CDH13: variants seen among roughly 807,000 people sequenced by gnomAD.
CDH13 encodes cadherin 13.
CDH13 carries 24 observed loss-of-function variants against 63.8 expected under a neutral mutation model. That is an observed-to-expected ratio of 0.38 (90% CI 0.27 to 0.53). CDH13 has a LOEUF of 0.53. Ranked by LOEUF, CDH13 falls within the 20% of genes least tolerant of loss-of-function variation. The probability of loss-of-function intolerance (pLI) is 0.85; values close to 1 mark genes in which losing one functional copy is unlikely to be tolerated. For missense variants in CDH13, 1,049 were observed against 903.1 expected (o/e 1.16, Z -2.07); for synonymous variants, 503 against 355.3 (o/e 1.42, Z -4.67).
chr16:83,515,769 C>T (rs1268172643), intron 7 of CDH13, among the ~76,000 whole-genome samples: 1 of 152,124 alleles, frequency 6.6e-6, no homozygotes, highest in Non-Finnish European at 1.5e-5. Flanking sequence ...ATTTTTAAAA[C>T]ACACCAAGCA....
chr16:83,056,921 G>A (rs779687312), intron 3 of CDH13, among the ~76,000 whole-genome samples: 65 of 152,114 alleles, frequency 4.3e-4, no homozygotes, highest in South Asian at 2.1e-4. Flanking sequence ...AGTCCTCCCC[G>A]GCTATGTGGA....
chr16:83,102,948 C>CTTTTTTTTTTTT (rs71148813), intron 3 of CDH13, among the ~76,000 whole-genome samples: 4 of 69,026 alleles, frequency 5.8e-5, no homozygotes, highest in African/African-American at 2.1e-4. Context: ...TTTTCTTTTT[C>CTTTTTTTTTTTT]TTTTTTTTTT....
At chr16:83,222,741 G>C (rs1475370607) in intron 5 of CDH13, among the ~76,000 whole-genome samples, 1 of 152,054 alleles carries the variant, frequency 6.6e-6, no homozygotes, top group African/African-American at 2.4e-5. Context: ...GTTTACAAAG[G>C]AAGAGATTTA....
chr16:83,481,778 C>T lies in CDH13; in HGVS notation c.782-4699C>T, dbSNP rs114202783. 2.9e-3 allele frequency among the ~76,000 whole-genome samples: 448 copies of T among 152,112 alleles called. 2 individuals are homozygous for T. The highest frequency in any genetic ancestry group is 9.9e-3 in the African/African-American group (409 of 41,482). On this transcript the variant is annotated intron_variant, in intron 6 of 13. Coordinates refer to ENST00000567109, the MANE Select transcript of CDH13 (RefSeq NM_001257.5). ...TTTGTCACTCAGGAGAGTATTGTGA[C>T]GGGGGAAAAGACAGAAATGTACTGT...
intron 1 of CDH13, among the ~76,000 whole-genome samples, chr16:82,664,543 A>C (rs1375140471): frequency 6.6e-6 from 1 of 152,208 alleles, no homozygotes; most frequent in African/African-American, 2.4e-5. Flanking sequence ...CCTTTGAAGC[A>C]TGACTTTCTG....
chr16:82,716,899 G>A (rs1321299708), intron 1 of CDH13, among the ~76,000 whole-genome samples: 1 of 151,840 alleles, frequency 6.6e-6, no homozygotes, highest in Non-Finnish European at 1.5e-5. Context: ...TGCACCTCTA[G>A]GGCTCATTCC....
chr16:82,740,605 C>G (rs1325738722), intron 1 of CDH13, among the ~76,000 whole-genome samples: 1 of 152,204 alleles, frequency 6.6e-6, no homozygotes, highest in African/African-American at 2.4e-5. Context: ...TGACTCCAGA[C>G]TGTGGGTTTC....
At chr16:83,565,383 C>CTTTTTTTTTTT (rs369127310) in intron 7 of CDH13, among the ~76,000 whole-genome samples, 7 of 130,606 alleles carry the variant, frequency 5.4e-5, no homozygotes, top group Middle Eastern at 4.2e-3. Flanking sequence ...TTCCACTGTT[C>CTTTTTTTTTTT]TTTTTTTTTT....
At chr16:83,533,548 G>A (rs567014863) in intron 7 of CDH13, among the ~76,000 whole-genome samples, 1 of 152,174 alleles carries the variant, frequency 6.6e-6, no homozygotes, top group East Asian at 1.9e-4. Flanking sequence ...ACAAGGAGGT[G>A]GTGGAATGGC....
chr16:83,532,948 G>A (rs2075112331), intron 7 of CDH13, among the ~76,000 whole-genome samples: 1 of 152,226 alleles, frequency 6.6e-6, no homozygotes, highest in South Asian at 2.1e-4. Flanking sequence ...CAGTCCTTCA[G>A]CCACCAGCTG....
intron 10 of CDH13, among the ~76,000 whole-genome samples, chr16:83,713,034 T>G (rs1018736452): frequency 1.3e-5 from 2 of 152,238 alleles, no homozygotes; most frequent in African/African-American, 4.8e-5. Context: ...CAAATATCCC[T>G]GTTTAAAATG....
intron 6 of CDH13, among the ~76,000 whole-genome samples, chr16:83,484,548 C>G (rs1028916539): frequency 2.0e-5 from 3 of 152,212 alleles, no homozygotes; most frequent in Non-Finnish European, 4.4e-5. Flanking sequence ...TAATTATGCT[C>G]TTTGTAAATT....
At chr16:83,714,178 A>C (rs1456281616) in intron 10 of CDH13, among the ~76,000 whole-genome samples, 2 of 152,250 alleles carry the variant, frequency 1.3e-5, no homozygotes, top group African/African-American at 4.8e-5. Flanking sequence ...CATCCACTGC[A>C]AATCACACGA....
At position 83,295,619 on chromosome 16, in the gene CDH13, A is replaced by G. The variant is rs537006805; in HGVS notation, c.637-49243A>G. On this transcript the variant is annotated intron_variant, in intron 5 of 13. Transcript: ENST00000567109. Reference sequence around the variant, plus strand: ...AATAGAAATGCAAATTAAAACCACAATGAGATATCACCTCATACCTGTTAA... The same window carrying G: ...AATAGAAATGCAAATTAAAACCACAGTGAGATATCACCTCATACCTGTTAA... Among the ~76,000 whole-genome samples the G allele has an allele frequency of 6.6e-5, 10 of 152,316 alleles. No homozygotes were observed. The East Asian group carries it at 1.3e-3, about 21-fold the overall frequency.
intron 1 of CDH13, among the ~76,000 whole-genome samples, chr16:82,710,699 T>A (rs887620464): frequency 1.4e-5 from 2 of 146,262 alleles, no homozygotes; most frequent in African/African-American, 4.9e-5. Context: ...TGTATATTTA[T>A]AAATGTATTT....
At chr16:83,663,543 A>G (rs1157205345) in intron 8 of CDH13, among the ~76,000 whole-genome samples, 1 of 152,168 alleles carries the variant, frequency 6.6e-6, no homozygotes, top group East Asian at 1.9e-4. Flanking sequence ...TTGAGACAAA[A>G]TAACCCGAAA....
intron 1 of CDH13, among the ~76,000 whole-genome samples, chr16:82,711,882 T>C (rs564697730): frequency 3.3e-4 from 51 of 152,300 alleles, no homozygotes; most frequent in African/African-American, 1.2e-3. Flanking sequence ...TCATATTAGT[T>C]CCATTTAACA....
chr16:83,413,207 A>G (rs1316637467), intron 6 of CDH13, among the ~76,000 whole-genome samples: 1 of 152,226 alleles, frequency 6.6e-6, no homozygotes, highest in Non-Finnish European at 1.5e-5. Context: ...TGTTTTGTCT[A>G]AAATTATTGT....
intron 4 of CDH13, among the ~76,000 whole-genome samples, chr16:83,136,081 C>T (rs763769891): frequency 4.0e-5 from 6 of 151,514 alleles, no homozygotes; most frequent in African/African-American, 4.9e-5. Flanking sequence ...GTATTCTGAT[C>T]GGGTGATGGG....
Sources: allele counts gnomAD v4.1 joint callset (sites outside exome capture counted in the v4.1 genomes callset), GRCh38; gene constraint gnomAD v4.1.1; transcripts MANE v1.5; gene names NCBI Gene and HGNC (gene_info 2026-07-23, HGNC 2026-07-21).